ZNF761: variants seen among roughly 807,000 people sequenced by gnomAD.
The protein encoded by ZNF761 is zinc finger protein 761.
A neutral mutation model predicts 59.9 loss-of-function variants in ZNF761; 43 were observed. The ratio of observed to expected loss-of-function variants is 0.72; its 90% CI spans 0.56 to 0.92. The LOEUF (loss-of-function observed/expected upper bound fraction) is 0.92, where lower values mean the gene tolerates loss of function less well. ZNF761 is among the 40% of genes least tolerant of loss of function. The pLI, the probability that ZNF761 is intolerant of heterozygous loss-of-function variation, is 0.00. For synonymous variants in ZNF761, 294 were observed against 304.8 expected, an observed-to-expected ratio of 0.96 and a Z score of 0.37; for missense variants, 850 against 906.1, an observed-to-expected ratio of 0.94 and a Z score of 0.79.
At position 53,454,980 on chromosome 19, in the gene ZNF761, A is replaced by G. The variant is rs1480652672; in HGVS notation, c.473A>G (p.Glu158Gly). 6.2e-7 allele frequency: 1 copy of G among 1,614,078 alleles called. No individual in the cohort carries two copies. Among genetic ancestry groups the G allele is most frequent in the Admixed American group, 1.7e-5 (1 of 60,002 alleles). Reference protein sequence around the residue: ...LPEMHIFQTEEKIDNQVVKSV... With the variant: ...LPEMHIFQTEGKIDNQVVKSV... The stretch of plus-strand genomic sequence containing the variant: ...GAAATGCACATATTTCAGACCGAAG[A>G]GAAAATTGATAATCAAGTTGTGAAG... The change falls in exon 5 of 5, where the codon GAG becomes GGG. Residue 158 changes from glutamate to glycine, a missense_variant. Physicochemically the swap from Glu to Gly is moderately conservative, Grantham distance 98 (BLOSUM62 -2). Transcript: ENST00000684525.
In ZNF761 at chr19:53,456,709, A is replaced by G; in HGVS notation, c.2202A>G (p.Thr734=). 3 of 1,613,784 alleles carry G rather than the reference A, an allele frequency of 1.9e-6. No individual in the cohort carries two copies. The highest frequency in any genetic ancestry group is 1.7e-6 in the Non-Finnish European group (2 of 1,179,858). The change falls in exon 5 of 5, where the codon ACA becomes ACG. Residue 734 remains threonine (T), a synonymous_variant. Transcript: ENST00000684525. ...GKTFSQKSNL[T]CHRRLHTGEK... is the part of the protein sequence containing the mutation. ...CCTTTAGTCAGAAGTCAAACCTTAC[A>G]TGCCATCGTAGACTTCATACTGGAG...
Position 53,446,258 on chromosome 19 carries a change from G to C in ZNF761, c.-153G>C, listed in dbSNP as rs2086158200. On this transcript the variant is annotated 5_prime_UTR_variant, in exon 2 of 5. It removes an upstream start codon present in the reference 5' UTR. Coordinates refer to ENST00000684525, the MANE Select transcript of ZNF761 (RefSeq NM_001289951.2). The stretch of plus-strand genomic sequence containing the variant: ...GCCCGGGCTGTGAGTGCAGTCTCAT[G>C]ATCTTGGGTCACTGCAACCTCTGTT... The C allele has an allele frequency of 6.6e-6, 1 of 152,202 alleles. No individual in the cohort carries two copies. Among genetic ancestry groups the C allele is most frequent in the African/African-American group, 2.4e-5 (1 of 41,392 alleles). 9.4% of individuals were successfully genotyped at this position (152,202 alleles called of 1,614,324 possible).
chr19:53,434,668 C>T (rs1173911036), intron 1 of ZNF761, among the ~76,000 whole-genome samples: 1 of 152,142 alleles, frequency 6.6e-6, no homozygotes, highest in Non-Finnish European at 1.5e-5. Flanking sequence ...CCAGTATCTC[C>T]TGATAATAGA....
In ZNF761 at chr19:53,457,930, C is replaced by A. The variant is rs1163977296; in HGVS notation, c.*1182C>A. The A allele has an allele frequency of 6.6e-6, 1 of 152,406 alleles. No homozygotes were observed. Among genetic ancestry groups the A allele is most frequent in the Non-Finnish European group, 1.5e-5 (1 of 68,182 alleles). 9.4% of individuals were successfully genotyped at this position (152,406 alleles called of 1,614,324 possible). On this transcript the variant is annotated 3_prime_UTR_variant, in exon 5 of 5. Transcript: ENST00000684525. ...TAATCATTTCACAATATTAATTTTT[C>A]CAAGCTATCAATATGGGTTGTAGCT...
At position 53,455,321 on chromosome 19, in the gene ZNF761, T is replaced by G; in HGVS notation, c.814T>G (p.Cys272Gly). 4 of 1,614,216 alleles carry G rather than the reference T, an allele frequency of 2.5e-6. No individual in the cohort carries two copies. Among genetic ancestry groups the G allele is most frequent in the Non-Finnish European group, 3.4e-6 (4 of 1,180,038 alleles). The change falls in exon 5 of 5, where the codon TGT (cysteine) becomes GGT (glycine). Residue 272 changes from cysteine to glycine, a missense_variant. Coordinates refer to ENST00000684525, the MANE Select transcript of ZNF761 (RefSeq NM_001289951.2). ...TCACACTGGTGAGAATCCTTACAAG[T>G]GTAATGAGTGTGGCAAGACCTTCAG... ...RCHTGENPYK[C>G]NECGKTFSQT...
chr19:53,449,844 G>A (rs2086201361), intron 4 of ZNF761: 1 of 1,253,928 alleles, frequency 8.0e-7, no homozygotes, highest in Non-Finnish European at 1.1e-6. Flanking sequence ...ATGCCACCAT[G>A]TTTGGGCAAA....
chr19:53,451,250 G>A lies in ZNF761; in HGVS notation c.142+1612G>A, dbSNP rs139223935. Among the ~76,000 whole-genome samples, 499 of 152,050 alleles carry A rather than the reference G, an allele frequency of 3.3e-3. 2 individuals carry two copies. Among genetic ancestry groups the A allele is most frequent in the Middle Eastern group, 6.8e-3 (2 of 294 alleles). The stretch of plus-strand genomic sequence containing the variant: ...GATGAGATGAAGTTTTGTTCTTGTC[G>A]CCCATGCTGGAGTGCAATGGCACAA... On this transcript the variant is annotated intron_variant, in intron 4 of 4. Transcript: ENST00000684525.
chr19:53,434,821 G>C (rs1306665310), intron 1 of ZNF761, among the ~76,000 whole-genome samples: 1 of 152,148 alleles, frequency 6.6e-6, no homozygotes, highest in African/African-American at 2.4e-5. Context: ...AACAACATGA[G>C]GAAATGCTTA....
At chr19:53,445,463 C>A (rs1421992643) in intron 1 of ZNF761, among the ~76,000 whole-genome samples, 1 of 148,030 alleles carries the variant, frequency 6.8e-6, no homozygotes, top group Non-Finnish European at 1.5e-5. Context: ...CATCTCAGAC[C>A]TTCTCAGGGT....
At chr19:53,440,147 C>CA (rs1249698346) in intron 1 of ZNF761, among the ~76,000 whole-genome samples, 1 of 127,080 alleles carries the variant, frequency 7.9e-6, no homozygotes, top group Non-Finnish European at 1.7e-5. Context: ...TGAGACCCCC[C>CA]CGTCTTGGCC....
intron 1 of ZNF761, among the ~76,000 whole-genome samples, chr19:53,446,023 T>C (rs2086155468): frequency 6.6e-6 from 1 of 152,178 alleles, no homozygotes. Flanking sequence ...CTGTCTCAGG[T>C]TGCTGTCCCT....
At chr19:53,454,138 C>A (rs1437942876) in intron 4 of ZNF761, among the ~76,000 whole-genome samples, 1 of 152,130 alleles carries the variant, frequency 6.6e-6, no homozygotes, top group African/African-American at 2.4e-5. Flanking sequence ...CGCCTGGCTA[C>A]ATTTTGTAAT....
In ZNF761 at chr19:53,449,816, G is replaced by A. The variant is rs377123417; in HGVS notation, c.142+178G>A. 156 of 1,411,596 alleles carry A rather than the reference G, an allele frequency of 1.1e-4. 1 individual carries two copies. The highest frequency in any genetic ancestry group is 4.7e-4 in the Middle Eastern group (2 of 4,240). The allele number at this position is 1,411,596 out of a possible 1,614,324, so 87.4% of individuals were successfully genotyped here. ...TGATTGTCCCACCTCAGCCTCCCCC[G>A]GTAGCTGGTACAGGTGCATGCCACC... On this transcript the variant is annotated intron_variant, in intron 4 of 4. Transcript: ENST00000684525.
At chr19:53,451,914 T>C (rs2086225642) in intron 4 of ZNF761, among the ~76,000 whole-genome samples, 1 of 152,066 alleles carries the variant, frequency 6.6e-6, no homozygotes, top group Admixed American at 6.6e-5. Flanking sequence ...AACATGTTAT[T>C]GCTATTAGAT....
intron 2 of ZNF761, among the ~76,000 whole-genome samples, chr19:53,446,607 A>G (rs2086162559): frequency 6.6e-6 from 1 of 151,994 alleles, no homozygotes; most frequent in Admixed American, 6.6e-5. Context: ...TTCTGACCTC[A>G]AGTAATCCAC....
intron 1 of ZNF761, among the ~76,000 whole-genome samples, chr19:53,432,490 G>A (rs1256415547): frequency 1.3e-5 from 2 of 152,102 alleles, no homozygotes; most frequent in Non-Finnish European, 2.9e-5. Flanking sequence ...GGGCCCTGCT[G>A]CTCCACGGGT....
In ZNF761 at chr19:53,455,681, A is replaced by G; in HGVS notation, c.1174A>G (p.Ser392Gly). 1 of 1,613,756 alleles carries G rather than the reference A, an allele frequency of 6.2e-7. No homozygotes were observed. The highest frequency in any genetic ancestry group is 1.1e-5 in the South Asian group (1 of 91,056). ...ATGTAATGAGTGTGGCAAGACCTTTAGTCACAAGTCATCCCTTACATGCCA... is the reference window on the plus strand; with the variant it reads ...ATGTAATGAGTGTGGCAAGACCTTTGGTCACAAGTCATCCCTTACATGCCA... ...YKCNECGKTF[S>G]HKSSLTCHRR... The change falls in exon 5 of 5, where the codon AGT becomes GGT. Residue 392 changes from serine to glycine, a missense_variant. By Grantham distance (56) the Ser-to-Gly change is moderately conservative. Transcript: ENST00000684525.
chr19:53,457,042 A>C lies in ZNF761; in HGVS notation c.*294A>C, dbSNP rs1373733694. The C allele has an allele frequency of 4.7e-6, 3 of 634,706 alleles. No individual in the cohort carries two copies. In the East Asian group the frequency reaches 1.0e-4, roughly 22 times the overall value. 39.3% of individuals were successfully genotyped at this position (634,706 alleles called of 1,614,324 possible). A position where few individuals can be genotyped will look rare whatever the true frequency, so the allele number is the denominator to read the frequency against. On this transcript the variant is annotated 3_prime_UTR_variant, in exon 5 of 5. Coordinates refer to ENST00000684525, the MANE Select transcript of ZNF761 (RefSeq NM_001289951.2). Reference sequence around the variant, plus strand: ...GGGCATGATTCGCACCTGGCACAACATGCTAGAATTCACACTGGAGAGAAA... The same window carrying C: ...GGGCATGATTCGCACCTGGCACAACCTGCTAGAATTCACACTGGAGAGAAA...
chr19:53,439,767 C>G (rs1303086641), intron 1 of ZNF761, among the ~76,000 whole-genome samples: 1 of 152,112 alleles, frequency 6.6e-6, no homozygotes. Context: ...GCAGAGTGTT[C>G]TAAGGCGACT....
Sources: gnomAD v4.1 joint callset for allele counts (sites outside exome capture counted in the v4.1 genomes callset) on GRCh38, gnomAD v4.1.1 for gene constraint, MANE v1.5 for transcripts, NCBI Gene and HGNC (gene_info 2026-07-23, HGNC 2026-07-21) for gene names.